DPYD: variants seen among roughly 807,000 people sequenced by gnomAD.
DPYD encodes dihydropyrimidine dehydrogenase [NADP(+)].
DPYD carries 109 observed loss-of-function variants against 116.2 expected under a neutral mutation model. The observed-to-expected ratio is 0.94, with a 90% CI of 0.80 to 1.10. The LOEUF (loss-of-function observed/expected upper bound fraction) is 1.10. Among genes scored for constraint, DPYD ranks in the 50% least tolerant of loss-of-function variants. DPYD has a pLI of 0.00. For synonymous variants in DPYD, 440 were observed against 432.0 expected (o/e 1.02, Z -0.23); for missense variants, 1,302 against 1,254.5 (o/e 1.04, Z -0.57).
intron 18 of DPYD, among the ~76,000 whole-genome samples, chr1:97,273,901 G>A (rs1664757276): frequency 6.6e-6 from 1 of 152,068 alleles, no homozygotes; most frequent in Non-Finnish European, 1.5e-5. Context: ...AAATGTATAT[G>A]CAACAAAAAG....
chr1:97,701,913 T>G (rs1044145613), intron 5 of DPYD, among the ~76,000 whole-genome samples: 6 of 151,918 alleles, frequency 3.9e-5, no homozygotes, highest in Admixed American at 2.6e-4. Context: ...TTCAGTGTTT[T>G]TATACATAAG....
chr1:97,863,402 T>C (rs1671217800), intron 2 of DPYD, among the ~76,000 whole-genome samples: 1 of 151,912 alleles, frequency 6.6e-6, no homozygotes, highest in Non-Finnish European at 1.5e-5. Flanking sequence ...AACCAACAAT[T>C]CCACTTCTAG....
intron 20 of DPYD, among the ~76,000 whole-genome samples, chr1:97,126,482 A>G (rs1652845948): frequency 2.0e-5 from 3 of 152,002 alleles, no homozygotes; most frequent in Admixed American, 1.3e-4. Flanking sequence ...CCCTCAGTCT[A>G]TGCACGTGCA....
At chr1:97,195,309 A>G (rs1658671292) in intron 19 of DPYD, among the ~76,000 whole-genome samples, 1 of 152,024 alleles carries the variant, frequency 6.6e-6, no homozygotes, top group African/African-American at 2.4e-5. Flanking sequence ...CATGTCATGC[A>G]TGAATGAAAA....
At chr1:97,433,738 C>T (rs1218705453) in intron 14 of DPYD, among the ~76,000 whole-genome samples, 2 of 152,046 alleles carry the variant, frequency 1.3e-5, no homozygotes, top group Admixed American at 6.6e-5. Flanking sequence ...AGAGATTAGG[C>T]AACAACTGTG....
intron 10 of DPYD, among the ~76,000 whole-genome samples, chr1:97,576,422 C>A (rs1173458978): frequency 6.6e-6 from 1 of 152,098 alleles, no homozygotes; most frequent in East Asian, 1.9e-4. Context: ...TCTGTTTGAT[C>A]CCACTCTATC....
intron 5 of DPYD, among the ~76,000 whole-genome samples, chr1:97,707,176 T>G (rs1459761483): frequency 6.6e-6 from 1 of 152,040 alleles, no homozygotes; most frequent in Admixed American, 6.6e-5. Context: ...TGAGGAGCCC[T>G]CCTCAATTAG....
chr1:97,294,086 A>T (rs1046792207), intron 18 of DPYD, among the ~76,000 whole-genome samples: 2 of 152,194 alleles, frequency 1.3e-5, no homozygotes, highest in Non-Finnish European at 1.5e-5. Context: ...TGAAGGAAAC[A>T]ACGGCTCTTG....
At chr1:97,150,638 T>A (rs971900288) in intron 20 of DPYD, among the ~76,000 whole-genome samples, 1 of 152,178 alleles carries the variant, frequency 6.6e-6, no homozygotes, top group Non-Finnish European at 1.5e-5. Flanking sequence ...ATTTCTCTTA[T>A]ACAAAAGAGG....
chr1:97,266,696 C>G (rs1361961304), intron 18 of DPYD, among the ~76,000 whole-genome samples: 2 of 152,034 alleles, frequency 1.3e-5, no homozygotes, highest in African/African-American at 4.8e-5. Flanking sequence ...CACCTCATGA[C>G]AGGCCCCAGT....
Position 97,515,841 on chromosome 1 carries a change from A to G in DPYD, c.1625T>C (p.Phe542Ser). 6.2e-7 allele frequency: 1 copy of G among 1,612,952 alleles called. No individual in the cohort carries two copies. The highest frequency in any genetic ancestry group is 8.5e-7 in the Non-Finnish European group (1 of 1,179,270). Reference sequence around the variant, plus strand: ...GCTAGCAAGACCAAAAGGATTTATAAACTTCAATCCGGCCATTTCTACACT... The same window carrying G: ...GCTAGCAAGACCAAAAGGATTTATAGACTTCAATCCGGCCATTTCTACACT... The part of the protein sequence containing the change: ...DISVEMAGLK[F>S]INPFGLASAT... The change falls in exon 13 of 23, where the codon TTT (phenylalanine) becomes TCT (serine). Residue 542 changes from phenylalanine to serine, a missense_variant. Transcript: ENST00000370192.
At position 97,721,683 on chromosome 1, in the gene DPYD, A is replaced by T. The variant is rs773816386; in HGVS notation, c.322-12T>A. 1 of 1,609,674 alleles carries T rather than the reference A, an allele frequency of 6.2e-7. No homozygotes were observed. The highest frequency in any genetic ancestry group is 1.1e-5 in the South Asian group (1 of 90,818). On this transcript the variant is annotated splice_polypyrimidine_tract_variant and intron_variant, in intron 4 of 22. Transcript: ENST00000370192. ...GCTCCATAATAGTTCTGCAAAATTA[A>T]TACAAAATAAAATTTTACTACTTAA... is the stretch of plus-strand genomic sequence containing the variant.
chr1:97,134,011 AAAAAT>A (rs1653559515), intron 20 of DPYD, among the ~76,000 whole-genome samples: 1 of 35,234 alleles, frequency 2.8e-5, no homozygotes, highest in Non-Finnish European at 5.0e-5. Context: ...AAAAAAAAAA[AAAAAT>A]ATATATATAT....
At chr1:97,330,872 A>G (rs1570538944) in intron 16 of DPYD, among the ~76,000 whole-genome samples, 1 of 152,202 alleles carries the variant, frequency 6.6e-6, no homozygotes, top group South Asian at 2.1e-4. Flanking sequence ...TCATCATGCA[A>G]TATCATCCAC....
chr1:97,343,029 CAAAT>C (rs564478006), intron 16 of DPYD, among the ~76,000 whole-genome samples: 49 of 151,956 alleles, frequency 3.2e-4, no homozygotes, highest in East Asian at 1.5e-3. Context: ...AACAAACAAA[CAAAT>C]AAACAAAGCC....
rs1265410187 is a variant in DPYD, at chr1:97,367,995, T to C, written c.2058+5566A>G. Among the ~76,000 whole-genome samples the C allele has an allele frequency of 2.0e-5, 3 of 152,166 alleles. No individual in the cohort carries two copies. In the East Asian group the frequency reaches 5.8e-4, roughly 29 times the overall value. On this transcript the variant is annotated intron_variant, in intron 16 of 22. Transcript: ENST00000370192. ...TGGAAAGTTTGATTGACTGATAATATACACCCAGCTCATGAATTAGAATGT... is the reference window on the plus strand; with the variant it reads ...TGGAAAGTTTGATTGACTGATAATACACACCCAGCTCATGAATTAGAATGT...
intron 13 of DPYD, among the ~76,000 whole-genome samples, chr1:97,506,352 T>C (rs1647331500): frequency 6.6e-6 from 1 of 151,960 alleles, no homozygotes; most frequent in African/African-American, 2.4e-5. Context: ...CAACCAAAGA[T>C]TGTATCATCT....
At chr1:97,424,349 C>T (rs1674747522) in intron 14 of DPYD, among the ~76,000 whole-genome samples, 1 of 151,990 alleles carries the variant, frequency 6.6e-6, no homozygotes, top group Admixed American at 6.6e-5. Context: ...GTAGAAATTT[C>T]TCTTTCACCT....
intron 11 of DPYD, among the ~76,000 whole-genome samples, chr1:97,557,605 C>T (rs1362933038): frequency 2.6e-5 from 4 of 152,050 alleles, no homozygotes; most frequent in Non-Finnish European, 4.4e-5. Context: ...CATGAGCCAT[C>T]GCATCTGGTC....
Sources: allele counts gnomAD v4.1 joint callset (sites outside exome capture counted in the v4.1 genomes callset), GRCh38; gene constraint gnomAD v4.1.1; transcripts MANE v1.5; gene names NCBI Gene and HGNC (gene_info 2026-07-23, HGNC 2026-07-21).